The following ZYG11B variants were observed in gnomAD, a reference collection of about 807,000 sequenced individuals.
The protein encoded by ZYG11B is zyg-11 family member B, cell cycle regulator, also known as protein zyg-11 homolog B.
Under a neutral mutation model 82.4 loss-of-function variants are expected in ZYG11B, and 36 were observed. The observed-to-expected ratio is 0.44, with a 90% CI of 0.33 to 0.58. The LOEUF (loss-of-function observed/expected upper bound fraction) is 0.58. Among genes scored for constraint, ZYG11B ranks in the 20% least tolerant of loss-of-function variants. ZYG11B has a pLI of 0.02. For synonymous variants in ZYG11B, 303 were observed against 312.8 expected (o/e 0.97, Z 0.33); for missense variants, 552 against 895.6 (o/e 0.62, Z 4.90).
chr1:52,770,584 A>G (rs1045126135), intron 2 of ZYG11B, among the ~76,000 whole-genome samples: 11 of 152,108 alleles, frequency 7.2e-5, no homozygotes, highest in African/African-American at 9.7e-5. Context: ...TCATATAACT[A>G]TACTCTCTAG....
In ZYG11B at chr1:52,771,018, A is replaced by G. The variant is rs142037149; in HGVS notation, c.197-2A>G. ...TTTAAAACGCTGCTTGTTTTTCCAC[A>G]GGTCTATTGAATGATGGAACTGTGG... On this transcript the variant is annotated splice_acceptor_variant, in intron 2 of 13. Coordinates refer to ENST00000294353, the MANE Select transcript of ZYG11B (RefSeq NM_024646.3). LOFTEE classifies it high-confidence loss of function. This position sits in a 1 kb window ranked among gnomAD's most constrained non-coding sequence, Gnocchi z 5.4. 1 of 1,590,376 alleles carries G rather than the reference A, an allele frequency of 6.3e-7. No individual in the cohort carries two copies. Among genetic ancestry groups the G allele is most frequent in the Non-Finnish European group, 8.6e-7 (1 of 1,166,002 alleles).
intron 2 of ZYG11B, 99 bp downstream of exon 2, chr1:52,756,722 T>C (rs1222513720): frequency 8.3e-7 from 1 of 1,210,414 alleles, no homozygotes; most frequent in Non-Finnish European, 1.1e-6. Context: ...TAGAAATAAC[T>C]GAGAAGGCCA....
At chr1:52,748,694 C>G (rs1391768939) in intron 1 of ZYG11B, among the ~76,000 whole-genome samples, 1 of 151,934 alleles carries the variant, frequency 6.6e-6, no homozygotes, top group African/African-American at 2.4e-5. Flanking sequence ...GAAACCCTGT[C>G]TCCACTGAAA....
At chr1:52,783,900 G>A (rs1558132741) in intron 4 of ZYG11B, among the ~76,000 whole-genome samples, 2 of 44,070 alleles carry the variant, frequency 4.5e-5, no homozygotes, top group Non-Finnish European at 6.9e-5. Context: ...ATACACGTGT[G>A]TGTATATACA....
chr1:52,804,879 G>A (rs928918922), intron 10 of ZYG11B, among the ~76,000 whole-genome samples: 2 of 151,942 alleles, frequency 1.3e-5, no homozygotes, highest in Non-Finnish European at 2.9e-5. Context: ...ATCACCTGAG[G>A]TCGGGAGTTC....
intron 1 of ZYG11B, among the ~76,000 whole-genome samples, chr1:52,737,113 C>T (rs1242244122): frequency 6.6e-6 from 1 of 151,916 alleles, no homozygotes; most frequent in Admixed American, 6.6e-5. Flanking sequence ...AACTCCTGAC[C>T]TCAAGTGATC....
chr1:52,781,968 A>C (rs186507061), intron 4 of ZYG11B, among the ~76,000 whole-genome samples: 1 of 152,092 alleles, frequency 6.6e-6, no homozygotes, highest in African/African-American at 2.4e-5. Flanking sequence ...ACTGAGCAAC[A>C]GAAGACTAGA....
intron 12 of ZYG11B, among the ~76,000 whole-genome samples, chr1:52,815,688 A>G (rs1164989659): frequency 1.3e-5 from 2 of 152,120 alleles, no homozygotes; most frequent in African/African-American, 2.4e-5. Context: ...TAATCCCAGC[A>G]CTTTGGGAGG....
intron 6 of ZYG11B, among the ~76,000 whole-genome samples, chr1:52,791,106 G>T (rs967862995): frequency 1.5e-4 from 23 of 151,722 alleles, no homozygotes; most frequent in African/African-American, 4.8e-5. Context: ...TGAGTAGCTG[G>T]GATTACAGGC....
rs753157820 is a variant in ZYG11B, at chr1:52,771,258, A to G, written c.435A>G (p.Ser145=). The G allele has an allele frequency of 4.7e-5, 76 of 1,614,110 alleles. No individual in the cohort carries two copies. The highest frequency in any genetic ancestry group is 3.3e-4 in the Middle Eastern group (2 of 6,084). Residue 145 remains serine, a synonymous_variant, in exon 3 of 14, where the codon TCA becomes TCG. Coordinates refer to ENST00000294353, the MANE Select transcript of ZYG11B (RefSeq NM_024646.3). This position sits in a 1 kb window ranked among gnomAD's most constrained non-coding sequence, Gnocchi z 5.4. ...ATCTCCAGTGCCTGGTGCTGAATTC[A>G]TTAACTCTCTCCCTCGAGGATCCTT... ...QQNLQCLVLN[S]LTLSLEDPYE...
intron 1 of ZYG11B, among the ~76,000 whole-genome samples, chr1:52,728,937 T>C (rs1011743125): frequency 6.6e-6 from 1 of 152,026 alleles, no homozygotes; most frequent in African/African-American, 2.4e-5. Flanking sequence ...TTATATAGCA[T>C]GGAAGGATGC....
chr1:52,783,917 CAT>C (rs1250155301), intron 4 of ZYG11B, among the ~76,000 whole-genome samples: 6 of 110,486 alleles, frequency 5.4e-5, no homozygotes, highest in African/African-American at 4.8e-4. Context: ...TACATCTATA[CAT>C]ATATGTGTAT....
chr1:52,816,635 T>C lies in ZYG11B; in HGVS notation c.2044+6T>C. On this transcript the variant is annotated splice_donor_region_variant and intron_variant, in intron 13 of 13. Coordinates refer to ENST00000294353, the MANE Select transcript of ZYG11B (RefSeq NM_024646.3). ...ACATGTCTGCAGCAAGAATCGTATGTACCAAAAAAAAAGAACTGTGTTTTT... is the reference window on the plus strand; with the variant it reads ...ACATGTCTGCAGCAAGAATCGTATGCACCAAAAAAAAAGAACTGTGTTTTT... 6.3e-7 allele frequency: 1 copy of C among 1,583,596 alleles called. No homozygotes were observed.
At chr1:52,758,544 G>A (rs1644599678) in intron 2 of ZYG11B, among the ~76,000 whole-genome samples, 1 of 152,106 alleles carries the variant, frequency 6.6e-6, no homozygotes, top group African/African-American at 2.4e-5. Context: ...GTGCCACACA[G>A]CCTTCCTACA....
At chr1:52,820,709 G>C (rs1300396256) in intron 13 of ZYG11B, among the ~76,000 whole-genome samples, 90 of 69,018 alleles carry the variant, frequency 1.3e-3, no homozygotes, top group African/African-American at 7.4e-3. Flanking sequence ...GAATGAGACT[G>C]TCTTTAAAAA....
intron 3 of ZYG11B, among the ~76,000 whole-genome samples, chr1:52,775,795 C>T (rs1042282914): frequency 6.1e-5 from 9 of 147,048 alleles, no homozygotes; most frequent in Admixed American, 3.4e-4. Context: ...TAGCTTTAGT[C>T]GGCCAGGCGT....
intron 10 of ZYG11B, among the ~76,000 whole-genome samples, chr1:52,807,708 C>G (rs929963541): frequency 6.6e-6 from 1 of 151,996 alleles, no homozygotes; most frequent in Non-Finnish European, 1.5e-5. Context: ...CCAGGCTGGT[C>G]TTGAACTCCT....
rs555529446 is a variant in ZYG11B at position 52,762,645 on chromosome 1, G to A, written c.196+6022G>A. ...ACCCAGGCTGGAGTGCAGTGGCGCC[G>A]TTTCAGCTCACTGCAGCCTCCGCCT... On this transcript the variant is annotated intron_variant, in intron 2 of 13. Coordinates refer to ENST00000294353, the MANE Select transcript of ZYG11B (RefSeq NM_024646.3). 6.6e-5 allele frequency among the ~76,000 whole-genome samples: 10 copies of A among 151,784 alleles called. No homozygotes were observed. In the East Asian group the frequency reaches 1.6e-3, roughly 24 times the overall value.
At chr1:52,759,813 T>C (rs1478248615) in intron 2 of ZYG11B, among the ~76,000 whole-genome samples, 1 of 152,220 alleles carries the variant, frequency 6.6e-6, no homozygotes, top group Non-Finnish European at 1.5e-5. Flanking sequence ...GTTGATACTT[T>C]TATTTTTTAT....
Sources: allele counts gnomAD v4.1 joint callset (sites outside exome capture counted in the v4.1 genomes callset), GRCh38; gene constraint gnomAD v4.1.1; non-coding constraint Gnocchi (gnomAD v3.1); transcripts MANE v1.5; gene names NCBI Gene and HGNC (gene_info 2026-07-23, HGNC 2026-07-21).